RASAL2: variants seen among roughly 807,000 people sequenced by gnomAD.
RASAL2 encodes the protein RAS protein activator like 2.
A neutral mutation model predicts 128.9 loss-of-function variants in RASAL2; 58 were observed. The ratio of observed to expected loss-of-function variants is 0.45; its 90% CI spans 0.36 to 0.56. The LOEUF (loss-of-function observed/expected upper bound fraction) is 0.56. Ranked by LOEUF, RASAL2 falls within the 20% of genes least tolerant of loss-of-function variation. The pLI, the probability that RASAL2 is intolerant of heterozygous loss-of-function variation, is 0.00. For missense variants in RASAL2, 1,360 were observed against 1,601.6 expected (o/e 0.85, Z 2.57); for synonymous variants, 561 against 580.8 (o/e 0.97, Z 0.49).
intron 3 of RASAL2, among the ~76,000 whole-genome samples, chr1:178,311,253 A>AACACAT (rs113017176): frequency 1.4e-5 from 2 of 143,602 alleles, no homozygotes; most frequent in African/African-American, 5.2e-5. Context: ...CACACACACA[A>AACACAT]ACACACACAC....
intron 1 of RASAL2, among the ~76,000 whole-genome samples, chr1:178,231,869 T>G (rs911802579): frequency 2.0e-5 from 3 of 152,198 alleles, no homozygotes; most frequent in Non-Finnish European, 4.4e-5. Context: ...AAATACTTCA[T>G]TTCTTTAATA....
At position 178,424,872 on chromosome 1, in the gene RASAL2, A is replaced by G. The variant is rs1386758478; in HGVS notation, c.674+4252A>G. ...TTTATCTAAAGAAAGCAAGCTGTGA[A>G]AAATACCATAGTTTTACCAAATAAT... On this transcript the variant is annotated intron_variant, in intron 5 of 17. Coordinates refer to ENST00000367649, the MANE Select transcript of RASAL2 (RefSeq NM_170692.4). 2.6e-5 allele frequency among the ~76,000 whole-genome samples: 4 copies of G among 152,348 alleles called. No homozygotes were observed. In the South Asian group the frequency reaches 8.3e-4, roughly 32 times the overall value.
intron 3 of RASAL2, among the ~76,000 whole-genome samples, chr1:178,300,801 T>G (rs528452222): frequency 2.6e-5 from 4 of 152,242 alleles, no homozygotes; most frequent in African/African-American, 9.6e-5. Context: ...ATAATCAGAC[T>G]GGTCAGGTAA....
chr1:178,094,335 C>T lies in RASAL2; in HGVS notation c.-158C>T, dbSNP rs1483210550. The T allele has an allele frequency of 7.6e-6, 5 of 654,044 alleles. No individual in the cohort carries two copies. The highest frequency in any genetic ancestry group is 1.2e-5 in the Non-Finnish European group (5 of 408,888). 40.5% of individuals were successfully genotyped at this position (654,044 alleles called of 1,614,324 possible). A position where few individuals can be genotyped will look rare whatever the true frequency, so the allele number is the denominator to read the frequency against. The stretch of plus-strand genomic sequence containing the variant: ...CATCGCCCGAGCCTCGGGCAGTGGG[C>T]GACGGGGAAGGAGGTGAGAGGTGTC... On this transcript the variant is annotated 5_prime_UTR_variant, in exon 1 of 18. Coordinates refer to ENST00000367649, the MANE Select transcript of RASAL2 (RefSeq NM_170692.4).
chr1:178,241,703 T>C (rs939779564), intron 1 of RASAL2, among the ~76,000 whole-genome samples: 43 of 152,228 alleles, frequency 2.8e-4, no homozygotes, highest in Admixed American at 4.6e-4. Flanking sequence ...TGCAAAGGTG[T>C]GCAGATGACA....
At chr1:178,199,049 C>A (rs1662773076) in intron 1 of RASAL2, among the ~76,000 whole-genome samples, 1 of 152,160 alleles carries the variant, frequency 6.6e-6, no homozygotes. Context: ...GGCTGGCTGC[C>A]CTGCAGTTCG....
intron 2 of RASAL2, among the ~76,000 whole-genome samples, chr1:178,284,364 T>C (rs143637906): frequency 3.9e-4 from 60 of 152,324 alleles, no homozygotes; most frequent in African/African-American, 1.3e-3. Flanking sequence ...TTCTTGCCAG[T>C]GTCACCTACT....
At chr1:178,129,443 T>C (rs900259033) in intron 1 of RASAL2, among the ~76,000 whole-genome samples, 1 of 152,170 alleles carries the variant, frequency 6.6e-6, no homozygotes, top group Non-Finnish European at 1.5e-5. Flanking sequence ...AATTGGGCTG[T>C]CTGTCTGCTT....
At chr1:178,269,735 A>G (rs1571747664) in intron 1 of RASAL2, among the ~76,000 whole-genome samples, 1 of 152,232 alleles carries the variant, frequency 6.6e-6, no homozygotes, top group South Asian at 2.1e-4. Context: ...TTAGCATATT[A>G]TCAAGAAATA....
At chr1:178,211,437 G>T (rs1268262754) in intron 1 of RASAL2, among the ~76,000 whole-genome samples, 3 of 151,998 alleles carry the variant, frequency 2.0e-5, no homozygotes, top group African/African-American at 7.3e-5. Flanking sequence ...AACTTTTTCA[G>T]TAGCTCCTCA....
chr1:178,176,254 C>T (rs967567223), intron 1 of RASAL2, among the ~76,000 whole-genome samples: 6 of 152,102 alleles, frequency 3.9e-5, no homozygotes, highest in Admixed American at 1.3e-4. Context: ...GCCATTCTTG[C>T]GTGGCCATTA....
At chr1:178,105,563 A>G (rs1659056683) in intron 1 of RASAL2, among the ~76,000 whole-genome samples, 3 of 152,242 alleles carry the variant, frequency 2.0e-5, no homozygotes, top group East Asian at 1.9e-4. Context: ...TGCTCCATAA[A>G]TAAGTACTAA....
intron 1 of RASAL2, among the ~76,000 whole-genome samples, chr1:178,227,314 C>T (rs146266857): frequency 6.6e-5 from 10 of 152,272 alleles, no homozygotes; most frequent in African/African-American, 1.9e-4. Flanking sequence ...ATGTTATTCC[C>T]CTAACTCCAT....
intron 1 of RASAL2, among the ~76,000 whole-genome samples, chr1:178,276,642 G>T (rs1240968748): frequency 6.6e-6 from 1 of 151,610 alleles, no homozygotes; most frequent in Non-Finnish European, 1.5e-5. Context: ...CTCCCAAACT[G>T]CTGGGGTTAC....
chr1:178,268,429 C>T (rs1238868694), intron 1 of RASAL2, among the ~76,000 whole-genome samples: 1 of 151,958 alleles, frequency 6.6e-6, no homozygotes, highest in African/African-American at 2.4e-5. Flanking sequence ...GATTGCACCA[C>T]TGCACTCCAG....
intron 1 of RASAL2, among the ~76,000 whole-genome samples, chr1:178,095,563 T>C (rs1031684463): frequency 1.3e-5 from 2 of 152,184 alleles, no homozygotes; most frequent in African/African-American, 4.8e-5. Flanking sequence ...GATGGCAAAT[T>C]TGAAGCACCT....
chr1:178,467,459 A>G lies in RASAL2; in HGVS notation c.3678+38A>G, dbSNP rs1349094216. On this transcript the variant is annotated intron_variant, in intron 17 of 17. Coordinates refer to ENST00000367649, the MANE Select transcript of RASAL2 (RefSeq NM_170692.4). ...TGAATCTAATAGAAGGCACTTGTTT[A>G]TAGTAACGATTATTTCCTGACTTCA... 3 of 1,553,754 alleles carry G rather than the reference A, an allele frequency of 1.9e-6. No homozygotes were observed. The South Asian group carries it at 3.4e-5, about 17-fold the overall frequency.
intron 3 of RASAL2, among the ~76,000 whole-genome samples, chr1:178,370,500 T>C (rs890385639): frequency 3.3e-5 from 5 of 152,240 alleles, no homozygotes; most frequent in East Asian, 1.9e-4. Context: ...TTTTGAGTAA[T>C]AGAAACTCAT....
chr1:178,122,838 ATT>A (rs5778973), intron 1 of RASAL2, among the ~76,000 whole-genome samples: 188 of 141,400 alleles, frequency 1.3e-3, no homozygotes, highest in Middle Eastern at 3.8e-3. Context: ...CTTACTTTCC[ATT>A]TTTTTTTTTT....
Sources: gnomAD v4.1 joint callset for allele counts (sites outside exome capture counted in the v4.1 genomes callset) on GRCh38, gnomAD v4.1.1 for gene constraint, MANE v1.5 for transcripts, NCBI Gene and HGNC (gene_info 2026-07-23, HGNC 2026-07-21) for gene names.